ADCY1: variants seen among roughly 807,000 people sequenced by gnomAD.
ADCY1 encodes adenylate cyclase type 1.
A neutral mutation model predicts 105.4 loss-of-function variants in ADCY1; 28 were observed. The ratio of observed to expected loss-of-function variants is 0.27; its 90% CI spans 0.20 to 0.36. The LOEUF (loss-of-function observed/expected upper bound fraction) is 0.36. Ranked by LOEUF, ADCY1 falls within the 10% of genes least tolerant of loss-of-function variation. The pLI, the probability that ADCY1 is intolerant of heterozygous loss-of-function variation, is 1.00. For synonymous variants in ADCY1, 655 were observed against 623.8 expected (o/e 1.05, Z -0.75); for missense variants, 977 against 1,434.2 (o/e 0.68, Z 5.15).
rs371609367 is a variant in ADCY1 at position 45,678,029 on chromosome 7, C to G, written c.1766C>G (p.Thr589Ser). The change falls in exon 9 of 20, where the codon ACC (threonine) becomes AGC (serine). Residue 589 changes from threonine to serine, a missense_variant. This residue lies in a region of ADCY1 where 275 missense variants were observed against 362.1 expected (regional missense o/e 0.76). Transcript: ENST00000297323. ...GAGATGGCAGACCTGAACTTCTTTA[C>G]CCTGAAGTACAAACATGTCGAACGG... is the stretch of plus-strand genomic sequence containing the variant. ...ELEMADLNFF[T>S]LKYKHVEREQ... The G allele has an allele frequency of 1.1e-5, 17 of 1,614,048 alleles. No individual in the cohort carries two copies. The highest frequency in any genetic ancestry group is 1.4e-5 in the Non-Finnish European group (16 of 1,180,046).
At chr7:45,579,512 C>T (rs368508495) in intron 1 of ADCY1, among the ~76,000 whole-genome samples, 26 of 152,266 alleles carry the variant, frequency 1.7e-4, no homozygotes, top group Admixed American at 3.9e-4. Flanking sequence ...CCCACTGGCC[C>T]GCTTATCTTC....
At position 45,717,850 on chromosome 7, in the gene ADCY1, G is replaced by C. The variant is rs1268529218; in HGVS notation, c.*3855G>C. 6.6e-6 allele frequency: 1 copy of C among 152,580 alleles called. No homozygotes were observed. The highest frequency in any genetic ancestry group is 1.5e-5 in the Non-Finnish European group (1 of 68,070). 9.5% of individuals were successfully genotyped at this position (152,580 alleles called of 1,614,324 possible). ...TTTCTCAGACTTTAAAGCCACCAGGGCTTCTGGAACACCTGTCATAGAAGC... is the reference window on the plus strand; with the variant it reads ...TTTCTCAGACTTTAAAGCCACCAGGCCTTCTGGAACACCTGTCATAGAAGC... On this transcript the variant is annotated 3_prime_UTR_variant, in exon 20 of 20. Coordinates refer to ENST00000297323, the MANE Select transcript of ADCY1 (RefSeq NM_021116.4).
At chr7:45,681,207 T>C (rs1279279087) in intron 11 of ADCY1, among the ~76,000 whole-genome samples, 1 of 152,232 alleles carries the variant, frequency 6.6e-6, no homozygotes, top group Non-Finnish European at 1.5e-5. Flanking sequence ...CGCTAAGTCA[T>C]CTGCCCAGAA....
At position 45,575,671 on chromosome 7, in the gene ADCY1, A is replaced by T. The variant is rs1792318883; in HGVS notation, c.639+489A>T. Among the ~76,000 whole-genome samples, 2 of 152,240 alleles carry T rather than the reference A, an allele frequency of 1.3e-5. No homozygotes were observed. The highest frequency in any genetic ancestry group is 4.8e-5 in the African/African-American group (2 of 41,476). On this transcript the variant is annotated intron_variant, in intron 1 of 19. Transcript: ENST00000297323. The surrounding 1 kb of genome is among the most constrained non-coding windows in gnomAD (Gnocchi z 4.7). Reference sequence around the variant, plus strand: ...CCAACCCTGCGGACCCGAGGGTGGTATATGGGTGGTGGGAAAGGACTTCGG... The same window carrying T: ...CCAACCCTGCGGACCCGAGGGTGGTTTATGGGTGGTGGGAAAGGACTTCGG...
chr7:45,641,880 T>G (rs911645090), intron 4 of ADCY1, among the ~76,000 whole-genome samples: 11 of 112,978 alleles, frequency 9.7e-5, no homozygotes, highest in Non-Finnish European at 1.9e-4. Flanking sequence ...GAGCCGAGAT[T>G]GCGCCACTGC....
chr7:45,629,681 G>A (rs113776375), intron 4 of ADCY1, among the ~76,000 whole-genome samples: 13,716 of 152,162 alleles, frequency 0.09, 687 homozygotes, highest in South Asian at 0.16. Context: ...ACTGCGCCCG[G>A]CTAATTTTTT....
intron 5 of ADCY1, among the ~76,000 whole-genome samples, chr7:45,652,913 A>G (rs2116080009): frequency 6.6e-6 from 1 of 152,340 alleles, no homozygotes; most frequent in African/African-American, 2.4e-5. Context: ...GGCATCTCCA[A>G]GGCTCTGGGC....
At chr7:45,594,485 C>T (rs1285928104) in intron 2 of ADCY1, among the ~76,000 whole-genome samples, 1 of 152,206 alleles carries the variant, frequency 6.6e-6, no homozygotes, top group Non-Finnish European at 1.5e-5. Flanking sequence ...TTTGTGGGCC[C>T]TGCTTGTGTG....
At position 45,678,714 on chromosome 7, in the gene ADCY1, CAAAAAAA is replaced by C. The variant is rs35743607; in HGVS notation, c.1898+465_1898+471del. Among the ~76,000 whole-genome samples the C allele has an allele frequency of 1.5e-3, 149 of 96,458 alleles. 1 individual carries two copies. The highest frequency in any genetic ancestry group is 6.3e-4 in the Non-Finnish European group (30 of 47,418). The allele number at this position is 96,458 out of a possible 152,430, so 63.3% of individuals were successfully genotyped here. ...GAGCAATATAGCAACACTCTATCTA[CAAAAAAA>C]AAAAAAAAAAAAATTAGCCAGGCAT... On this transcript the variant is annotated intron_variant, in intron 10 of 19. Transcript: ENST00000297323.
chr7:45,713,444 C>T (rs1286688746), intron 19 of ADCY1, among the ~76,000 whole-genome samples: 1 of 152,230 alleles, frequency 6.6e-6, no homozygotes, highest in Non-Finnish European at 1.5e-5. Context: ...CTGGGGCTGG[C>T]CCCTTAGACT....
Position 45,679,700 on chromosome 7 carries a change from G to A in ADCY1, c.1899-9G>A, listed in dbSNP as rs1203988569. On this transcript the variant is annotated splice_polypyrimidine_tract_variant and intron_variant, in intron 10 of 19. Transcript: ENST00000297323. ...CCTATCAGTGACTCTCATGTTTTCT[G>A]TCCCCCAGGAGTGTGGTCGTCCTGC... 6.2e-7 allele frequency: 1 copy of A among 1,614,154 alleles called. No homozygotes were observed. The highest frequency in any genetic ancestry group is 8.5e-7 in the Non-Finnish European group (1 of 1,179,998).
At chr7:45,690,660 G>A (rs191551627) in intron 14 of ADCY1, among the ~76,000 whole-genome samples, 45 of 152,260 alleles carry the variant, frequency 3.0e-4, no homozygotes, top group African/African-American at 1.1e-3. Flanking sequence ...GGGAGATCTG[G>A]CCAGATACAG....
chr7:45,654,084 T>TG (rs1180858370), intron 5 of ADCY1, among the ~76,000 whole-genome samples: 9 of 152,342 alleles, frequency 5.9e-5, no homozygotes, highest in African/African-American at 2.2e-4. Context: ...TGGGCCTGCA[T>TG]GGACTGGGTT....
intron 14 of ADCY1, among the ~76,000 whole-genome samples, chr7:45,693,062 C>T (rs1324124506): frequency 1.3e-5 from 2 of 152,216 alleles, no homozygotes; most frequent in East Asian, 1.9e-4. Flanking sequence ...AGAAATTCTT[C>T]TATCTATAAT....
At chr7:45,623,832 G>C (rs769641222) in intron 4 of ADCY1, among the ~76,000 whole-genome samples, 1 of 152,122 alleles carries the variant, frequency 6.6e-6, no homozygotes, top group Non-Finnish European at 1.5e-5. Flanking sequence ...CCGGTGTCAG[G>C]AGAGCCCAGG....
intron 5 of ADCY1, among the ~76,000 whole-genome samples, chr7:45,651,944 T>C (rs1584304480): frequency 6.6e-6 from 1 of 152,166 alleles, no homozygotes; most frequent in African/African-American, 2.4e-5. Flanking sequence ...CACACTGCTA[T>C]AAAGAACTAC....
Position 45,686,712 on chromosome 7 carries a change from T to G in ADCY1, c.2454+39T>G. On this transcript the variant is annotated intron_variant, in intron 14 of 19. Transcript: ENST00000297323. This position sits in a 1 kb window ranked among gnomAD's most constrained non-coding sequence, Gnocchi z 4.3. ...TTTCTGCTTTCTGGGGGTGGGGGAT[T>G]TAGAGGAGGAAGAAGTCTTCAGCAA... 6.4e-7 allele frequency: 1 copy of G among 1,571,364 alleles called. No homozygotes were observed. Among genetic ancestry groups the G allele is most frequent in the South Asian group, 1.2e-5 (1 of 86,114 alleles).
intron 3 of ADCY1, 95 bp from the exon 4 acceptor site, chr7:45,622,537 T>C: frequency 4.6e-6 from 4 of 873,902 alleles, no homozygotes; most frequent in South Asian, 4.3e-5. Flanking sequence ...TGATTGATTC[T>C]ACAGTGATTT....
chr7:45,622,444 CT>C (rs1200907647), intron 3 of ADCY1, among the ~76,000 whole-genome samples, 187 bp from the exon 4 acceptor site: 4 of 152,150 alleles, frequency 2.6e-5, no homozygotes, highest in African/African-American at 4.8e-5. Flanking sequence ...CGTTCTGTGG[CT>C]TTTCTGAGCC....
Sources: gnomAD v4.1 joint callset for allele counts (sites outside exome capture counted in the v4.1 genomes callset) on GRCh38, gnomAD v4.1.1 for gene constraint, gnomAD v4.1.1 regional missense constraint, Gnocchi (gnomAD v3.1) non-coding constraint, MANE v1.5 for transcripts, NCBI Gene and HGNC (gene_info 2026-07-23, HGNC 2026-07-21) for gene names.